CNOT10: variants seen among roughly 807,000 people sequenced by gnomAD.
CNOT10 encodes the protein CCR4-NOT transcription complex subunit 10.
Under a neutral mutation model 94.6 loss-of-function variants are expected in CNOT10, and 30 were observed. The observed-to-expected ratio is 0.32, with a 90% CI of 0.24 to 0.43. The LOEUF is 0.43. Ranked by LOEUF, CNOT10 falls within the 20% of genes least tolerant of loss-of-function variation. The probability of loss-of-function intolerance (pLI) is 1.00; values close to 1 mark genes in which losing one functional copy is unlikely to be tolerated. For synonymous variants in CNOT10, 289 were observed against 301.6 expected (o/e 0.96, Z 0.43); for missense variants, 759 against 877.2 (o/e 0.87, Z 1.70).
intron 13 of CNOT10, among the ~76,000 whole-genome samples, chr3:32,755,132 G>A (rs1012663763): frequency 2.6e-5 from 4 of 150,972 alleles, no homozygotes; most frequent in African/African-American, 9.7e-5. Context: ...TGTAGTCCCA[G>A]CTACTCGGGA....
intron 5 of CNOT10, among the ~76,000 whole-genome samples, chr3:32,714,471 G>A (rs902725995): frequency 4.6e-5 from 7 of 151,924 alleles, no homozygotes; most frequent in African/African-American, 1.7e-4. Flanking sequence ...CACTTTGAGA[G>A]TCCAAGGCGG....
At chr3:32,691,868 T>C (rs977844254) in intron 1 of CNOT10, among the ~76,000 whole-genome samples, 1 of 151,542 alleles carries the variant, frequency 6.6e-6, no homozygotes, top group African/African-American at 2.4e-5. Context: ...CCAGCGTAGG[T>C]AACATGGTGA....
At chr3:32,762,482 C>T (rs933121437) in intron 14 of CNOT10, among the ~76,000 whole-genome samples, 27 of 151,836 alleles carry the variant, frequency 1.8e-4, no homozygotes, top group Non-Finnish European at 3.2e-4. Flanking sequence ...ATGTTGCCCA[C>T]GCTGTTCTCA....
At chr3:32,759,130 A>AGTGT (rs10601347) in intron 13 of CNOT10, among the ~76,000 whole-genome samples, 3,180 of 149,618 alleles carry the variant, frequency 0.021, 51 homozygotes, top group East Asian at 0.047. Context: ...ATATATATAT[A>AGTGT]GTGTGTGTGT....
chr3:32,699,083 G>A (rs1038069017), intron 1 of CNOT10, among the ~76,000 whole-genome samples: 11 of 152,292 alleles, frequency 7.2e-5, no homozygotes, highest in African/African-American at 2.6e-4. Context: ...ACCACACCTG[G>A]CCAACAACTG....
At chr3:32,771,287 A>C (rs1258778588) in intron 18 of CNOT10, among the ~76,000 whole-genome samples, 1 of 152,024 alleles carries the variant, frequency 6.6e-6, no homozygotes, top group Non-Finnish European at 1.5e-5. Context: ...AGATCATGCC[A>C]GAATAAGACC....
At chr3:32,754,433 T>C (rs1272160617) in intron 13 of CNOT10, among the ~76,000 whole-genome samples, 2 of 124,550 alleles carry the variant, frequency 1.6e-5, no homozygotes, top group African/African-American at 6.3e-5. Context: ...GCCAAGATCG[T>C]GCCACTGCAC....
chr3:32,745,424 A>C (rs1359796788), intron 13 of CNOT10, among the ~76,000 whole-genome samples: 1 of 151,582 alleles, frequency 6.6e-6, no homozygotes, highest in East Asian at 1.9e-4. Flanking sequence ...TCAGTTTCTG[A>C]ACCACTCAAT....
intron 13 of CNOT10, among the ~76,000 whole-genome samples, chr3:32,743,524 C>T (rs543322590): frequency 3.4e-4 from 52 of 152,134 alleles, no homozygotes; most frequent in African/African-American, 1.1e-3. Context: ...GTCCCAGCTA[C>T]ACGGGAGGCT....
chr3:32,764,399 G>GA, intron 15 of CNOT10, 56 bp from the exon 16 acceptor site: 1 of 1,560,182 alleles, frequency 6.4e-7, no homozygotes, highest in South Asian at 1.2e-5. Context: ...GAGGAGAAAA[G>GA]AAAGAAAATA....
chr3:32,695,267 A>G (rs138227011), intron 1 of CNOT10, among the ~76,000 whole-genome samples: 153 of 152,254 alleles, frequency 1.0e-3, no homozygotes, highest in African/African-American at 3.3e-3. Context: ...AGGTATGTTA[A>G]CCTAGCTGTA....
chr3:32,730,295 C>T (rs1173443702), intron 10 of CNOT10, among the ~76,000 whole-genome samples: 1 of 152,010 alleles, frequency 6.6e-6, no homozygotes, highest in Non-Finnish European at 1.5e-5. Flanking sequence ...AGCCATTAAG[C>T]TTACAAGGTC....
intron 1 of CNOT10, among the ~76,000 whole-genome samples, chr3:32,696,784 G>A (rs139013607): frequency 1.4e-3 from 206 of 151,948 alleles, no homozygotes; most frequent in African/African-American, 4.8e-3. Flanking sequence ...TTTTGGTAGA[G>A]ATGGGTTTTC....
In CNOT10 at chr3:32,712,169, T is replaced by G. The variant is rs867669976; in HGVS notation, c.431-1058T>G. Among the ~76,000 whole-genome samples, 344 of 151,776 alleles carry G rather than the reference T, an allele frequency of 2.3e-3. 1 individual carries two copies. The highest frequency in any genetic ancestry group is 7.7e-3 in the African/African-American group (318 of 41,412). On this transcript the variant is annotated intron_variant, in intron 4 of 18. Coordinates refer to ENST00000328834, the MANE Select transcript of CNOT10 (RefSeq NM_015442.3). ...TGTAATCAGGTGTTTGTTTGTTTTT[T>G]TTTTTTTTCCATCTCCATGACCTAG...
rs578085208 is a variant in CNOT10, at chr3:32,743,010, G to T, written c.1595+5520G>T. ...TTTTTTTTTTTTTTTTTTTGAGATAGATTTTTGCCCTTGTTCCCCAGGCTG... is the reference window on the plus strand; with the variant it reads ...TTTTTTTTTTTTTTTTTTTGAGATATATTTTTGCCCTTGTTCCCCAGGCTG... On this transcript the variant is annotated intron_variant, in intron 13 of 18. Coordinates refer to ENST00000328834, the MANE Select transcript of CNOT10 (RefSeq NM_015442.3). Among the ~76,000 whole-genome samples, 1,202 of 123,244 alleles carry T rather than the reference G, an allele frequency of 9.8e-3. 17 individuals carry two copies. The highest frequency in any genetic ancestry group is 0.037 in the African/African-American group (1,143 of 31,054). The allele number at this position is 123,244 out of a possible 152,430, so 80.9% of individuals were successfully genotyped here.
At chr3:32,699,315 C>G (rs1263068593) in intron 1 of CNOT10, among the ~76,000 whole-genome samples, 2 of 152,066 alleles carry the variant, frequency 1.3e-5, no homozygotes, top group Non-Finnish European at 2.9e-5. Flanking sequence ...AATATTTTTC[C>G]ACATCAAGTT....
At chr3:32,723,129 C>T (rs539269653) in intron 8 of CNOT10, among the ~76,000 whole-genome samples, 2 of 152,098 alleles carry the variant, frequency 1.3e-5, no homozygotes, top group Non-Finnish European at 2.9e-5. Context: ...CACGGTGGCT[C>T]ACACCTGTAA....
intron 1 of CNOT10, among the ~76,000 whole-genome samples, chr3:32,692,470 G>T (rs1370819563): frequency 6.6e-6 from 1 of 152,118 alleles, no homozygotes. Flanking sequence ...ATATTTTTGA[G>T]AAACTTTGTA....
chr3:32,762,297 TCTCA>T (rs1700486975), intron 14 of CNOT10, among the ~76,000 whole-genome samples: 1 of 151,756 alleles, frequency 6.6e-6, no homozygotes, highest in Admixed American at 6.6e-5. Context: ...TGAGATGGCG[TCTCA>T]CTCTGTCATT....
Sources: allele counts gnomAD v4.1 joint callset (sites outside exome capture counted in the v4.1 genomes callset), GRCh38; gene constraint gnomAD v4.1.1; transcripts MANE v1.5; gene names NCBI Gene and HGNC (gene_info 2026-07-23, HGNC 2026-07-21).